The following RHNO1 variants were observed in gnomAD, a reference collection of about 807,000 sequenced individuals.
The protein encoded by RHNO1 is RAD9, HUS1, RAD1-interacting nuclear orphan protein 1.
In RHNO1, 9 loss-of-function variants were observed where a neutral mutation model predicts 7.2. The ratio of observed to expected loss-of-function variants is 1.25; its 90% CI spans 0.75 to 2.18. The LOEUF (loss-of-function observed/expected upper bound fraction) is 2.18, where lower values mean the gene tolerates loss of function less well. Among genes scored for constraint, RHNO1 ranks in the 30% most tolerant of loss-of-function variants. The pLI is 0.00. For missense variants in RHNO1, 292 were observed against 284.5 expected (o/e 1.03, Z -0.19); for synonymous variants, 95 against 107.5 (o/e 0.88, Z 0.72).
intron 1 of RHNO1, among the ~76,000 whole-genome samples, chr12:2,881,847 G>A (rs1340459760): frequency 1.3e-5 from 2 of 151,272 alleles, no homozygotes; most frequent in Non-Finnish European, 2.9e-5. Flanking sequence ...AGAGGTTGTG[G>A]TGAGCCAAGA....
chr12:2,882,629 G>A (rs2153944879), intron 1 of RHNO1, among the ~76,000 whole-genome samples: 1 of 150,916 alleles, frequency 6.6e-6, no homozygotes, highest in South Asian at 2.1e-4. Flanking sequence ...CTTGAACTCG[G>A]GAGGTGGCGG....
chr12:2,885,732 G>A (rs994215184), intron 2 of RHNO1, 198 bp downstream of exon 2: 4 of 458,810 alleles, frequency 8.7e-6, no homozygotes, highest in South Asian at 3.1e-5. Flanking sequence ...CCGCCACCAC[G>A]CCCGGCTAAT....
Position 2,885,479 on chromosome 12 carries a change from C to T in RHNO1, c.113C>T (p.Thr38Ile), listed in dbSNP as rs140138359. ...TGTGCATCTACACAGCTTCCCATCACTCACACTCGACAGGTGCCCAGCAAG... is the reference window on the plus strand; with the variant it reads ...TGTGCATCTACACAGCTTCCCATCATTCACACTCGACAGGTGCCCAGCAAG... ...HSCASTQLPITHTRQVPSKPI... is the reference protein window; with the variant it reads ...HSCASTQLPIIHTRQVPSKPI... Residue 38 changes from threonine to isoleucine, a missense_variant, in exon 2 of 3, where the codon ACT becomes ATT. Transcript: ENST00000489288. 59 of 1,613,718 alleles carry T rather than the reference C, an allele frequency of 3.7e-5. No homozygotes were observed. In the African/African-American group the frequency reaches 7.2e-4, roughly 20 times the overall value.
chr12:2,882,278 C>CAATAAATAAATAAATA (rs57480121), intron 1 of RHNO1, among the ~76,000 whole-genome samples: 8 of 147,042 alleles, frequency 5.4e-5, no homozygotes, highest in Admixed American at 1.4e-4. Flanking sequence ...CCTGTCTCTA[C>CAATAAATAAATAAATA]AATAAATAAA....
At chr12:2,885,066 A>T in intron 1 of RHNO1, 3 of 309,498 alleles carry the variant, frequency 9.7e-6, no homozygotes, top group Non-Finnish European at 1.8e-5. Context: ...TCATCTTTAA[A>T]TTCCCAGCAC....
intron 1 of RHNO1, among the ~76,000 whole-genome samples, chr12:2,883,496 TATATATATATA>T (rs2098161145): frequency 1.4e-4 from 3 of 21,300 alleles, no homozygotes; most frequent in Non-Finnish European, 2.3e-4. Context: ...TATATATATA[TATATATATATA>T]TATATTTTTT....
rs933137524 is a variant in RHNO1 at position 2,885,516 on chromosome 12, C to G, written c.150C>G (p.His50Gln). ...TRQVPSKPID[H>Q]STITSWVSPD... ...AGGTGCCCAGCAAGCCCATTGACCA[C>G]AGCACCATCACTTCCTGGGTAGGCC... Residue 50 changes from histidine to glutamine, a missense_variant, in exon 2 of 3, where the codon CAC becomes CAG. Transcript: ENST00000489288. 2.5e-6 allele frequency: 4 copies of G among 1,610,776 alleles called. No homozygotes were observed. Among genetic ancestry groups the G allele is most frequent in the Admixed American group, 3.4e-5 (2 of 59,574 alleles).
Position 2,887,894 on chromosome 12 carries a change from T to G in RHNO1, c.169-17T>G, listed in dbSNP as rs558701225. 8.3e-6 allele frequency: 10 copies of G among 1,200,796 alleles called. No homozygotes were observed. The East Asian group carries it at 1.7e-4, about 20-fold the overall frequency. 74.4% of individuals were successfully genotyped at this position (1,200,796 alleles called of 1,614,324 possible). A position where few individuals can be genotyped will look rare whatever the true frequency, so the allele number is the denominator to read the frequency against. ...AGTACTTAGTTAGGCTCACCTCACT[T>G]TTTTTTTTTTTTTAAGGTATCACCT... On this transcript the variant is annotated splice_polypyrimidine_tract_variant and intron_variant, in intron 2 of 2. Coordinates refer to ENST00000489288, the MANE Select transcript of RHNO1 (RefSeq NM_001252499.3).
At position 2,879,468 on chromosome 12, in the gene RHNO1, G is replaced by A. The variant is rs149092553; in HGVS notation, c.-85+2186G>A. ...CCACCTCAGCCTCCTGAGTAGCTGG[G>A]ACTACAGGTGCACGCAGCCGTGCCC... On this transcript the variant is annotated intron_variant, in intron 1 of 2. Transcript: ENST00000489288. Among the ~76,000 whole-genome samples, 1,171 of 151,992 alleles carry A rather than the reference G, an allele frequency of 7.7e-3. 25 individuals carry two copies. Among genetic ancestry groups the A allele is most frequent in the African/African-American group, 0.027 (1,104 of 41,360 alleles).
intron 1 of RHNO1, among the ~76,000 whole-genome samples, chr12:2,881,039 A>C (rs1002664519): frequency 6.6e-6 from 1 of 152,098 alleles, no homozygotes; most frequent in Non-Finnish European, 1.5e-5. Context: ...TCAGCAAGTC[A>C]TGAATTTCAA....
chr12:2,888,311 A>G lies in RHNO1; in HGVS notation c.569A>G (p.Asn190Ser), dbSNP rs770977613. The change falls in exon 3 of 3, where the codon AAT (asparagine) becomes AGT (serine). Residue 190 changes from asparagine (N) to serine (S), a missense_variant. By Grantham distance (46) the Asn-to-Ser change is conservative (BLOSUM62 1). Coordinates refer to ENST00000489288, the MANE Select transcript of RHNO1 (RefSeq NM_001252499.3). ...TGCACTCTTCACACTGGCACTCCTA[A>G]TAGCCCAGAGCCTGGACCTGTTCTG... is the stretch of plus-strand genomic sequence containing the variant. ...LSCTLHTGTPNSPEPGPVLVK... is the reference protein window; with the variant it reads ...LSCTLHTGTPSSPEPGPVLVK... The G allele has an allele frequency of 1.9e-6, 3 of 1,614,120 alleles. No individual in the cohort carries two copies. Among genetic ancestry groups the G allele is most frequent in the Non-Finnish European group, 2.5e-6 (3 of 1,180,006 alleles).
chr12:2,887,859 C>G, intron 2 of RHNO1, 52 bp from the exon 3 acceptor site: 2 of 1,434,744 alleles, frequency 1.4e-6, no homozygotes, highest in Admixed American at 2.4e-5. Flanking sequence ...ACAGTTTCCT[C>G]TCTTAGGTTA....
In RHNO1 at chr12:2,887,892, CTTT is replaced by C. The variant is rs75958137; in HGVS notation, c.169-6_169-4del. 30 of 1,382,606 alleles carry C rather than the reference CTTT, an allele frequency of 2.2e-5. No individual in the cohort carries two copies. Among genetic ancestry groups the C allele is most frequent in the Middle Eastern group, 2.0e-4 (1 of 5,070 alleles). The allele number at this position is 1,382,606 out of a possible 1,614,324, so 85.6% of individuals were successfully genotyped here. On this transcript the variant is annotated splice_polypyrimidine_tract_variant and intron_variant, in intron 2 of 2. Transcript: ENST00000489288. The stretch of plus-strand genomic sequence containing the variant: ...TTAGTACTTAGTTAGGCTCACCTCA[CTTT>C]TTTTTTTTTTTTAAGGTATCACCTG...
intron 1 of RHNO1, among the ~76,000 whole-genome samples, chr12:2,883,950 T>G (rs1266815574): frequency 6.6e-6 from 1 of 152,096 alleles, no homozygotes; most frequent in East Asian, 1.9e-4. Flanking sequence ...TCAGTCTACT[T>G]TAGTATATAT....
chr12:2,888,086 G>A lies in RHNO1; in HGVS notation c.344G>A (p.Cys115Tyr), dbSNP rs773393609. ...TTGGGGATCCCCTTAATCCGAGAGT[G>A]CCCCAGTGAATCAGAAAAGGATGTT... ...ETLGIPLIRE[C>Y]PSESEKDVSR... Residue 115 changes from cysteine (C) to tyrosine (Y), a missense_variant, in exon 3 of 3, where the codon TGC becomes TAC. Cys to Tyr is a radical substitution (Grantham distance 194). Coordinates refer to ENST00000489288, the MANE Select transcript of RHNO1 (RefSeq NM_001252499.3). 1.9e-6 allele frequency: 3 copies of A among 1,613,968 alleles called. No individual in the cohort carries two copies. In the South Asian group the frequency reaches 3.3e-5, roughly 18 times the overall value.
intron 1 of RHNO1, among the ~76,000 whole-genome samples, chr12:2,878,303 A>AGCCACTGCAC (rs1565485076): frequency 1.4e-4 from 21 of 152,144 alleles, no homozygotes; most frequent in African/African-American, 4.6e-4. Flanking sequence ...TTGGTGTGAG[A>AGCCACTGCAC]TCTGATGCCT....
rs944699028 is a variant in RHNO1, at chr12:2,877,236, A to G, written c.-131A>G. On this transcript the variant is annotated 5_prime_UTR_variant, in exon 1 of 3. Transcript: ENST00000489288. ...CCTTGTCTCGGCATTCCGGGCTCGA[A>G]GGCTGTGCGGTCTGCCAGGAGCTGC... 6.6e-6 allele frequency: 1 copy of G among 152,218 alleles called. No homozygotes were observed. The highest frequency in any genetic ancestry group is 1.5e-5 in the Non-Finnish European group (1 of 68,042). The allele number at this position is 152,218 out of a possible 1,614,324, so 9.4% of individuals were successfully genotyped here.
intron 2 of RHNO1, chr12:2,886,911 T>C (rs1180465987): frequency 2.2e-6 from 1 of 452,588 alleles, no homozygotes; most frequent in Non-Finnish European, 4.5e-6. Flanking sequence ...TGCCAGGTCC[T>C]CTGCTAGTTC....
At position 2,888,526 on chromosome 12, in the gene RHNO1, G is replaced by C; in HGVS notation, c.*67G>C. 1 of 1,408,990 alleles carries C rather than the reference G, an allele frequency of 7.1e-7. No individual in the cohort carries two copies. Among genetic ancestry groups the C allele is most frequent in the Non-Finnish European group, 9.5e-7 (1 of 1,057,610 alleles). 87.3% of individuals were successfully genotyped at this position (1,408,990 alleles called of 1,614,324 possible). On this transcript the variant is annotated 3_prime_UTR_variant, in exon 3 of 3. Transcript: ENST00000489288. ...GAGTCATAAAGGAATTCAATTCCTA[G>C]GGTTTTTGTTTTTGTTTTTGAGATG... is the stretch of plus-strand genomic sequence containing the variant.
Sources: gnomAD v4.1 joint callset for allele counts (sites outside exome capture counted in the v4.1 genomes callset) on GRCh38, gnomAD v4.1.1 for gene constraint, MANE v1.5 for transcripts, NCBI Gene and HGNC (gene_info 2026-07-23, HGNC 2026-07-21) for gene names.